The following ST3GAL1 variants were observed in gnomAD, a reference collection of about 807,000 sequenced individuals.
ST3GAL1 encodes CMP-N-acetylneuraminate-beta-galactosamide-alpha-2,3-sialyltransferase 1.
Under a neutral mutation model 34.1 loss-of-function variants are expected in ST3GAL1, and 16 were observed. The observed-to-expected ratio is 0.47, with a 90% CI of 0.32 to 0.71. The LOEUF is 0.71. Among genes scored for constraint, ST3GAL1 ranks in the 30% least tolerant of loss-of-function variants. ST3GAL1 has a pLI of 0.04. For missense variants in ST3GAL1, 353 were observed against 447.4 expected, an observed-to-expected ratio of 0.79 and a Z score of 1.90; for synonymous variants, 191 against 184.7, an observed-to-expected ratio of 1.03 and a Z score of -0.28.
Position 133,459,875 on chromosome 8 carries a change from G to A in ST3GAL1, c.912C>T (p.Asn304=). Residue 304 remains asparagine, a synonymous_variant, in exon 10 of 10, where the codon AAC becomes AAT. Coordinates refer to ENST00000522652, the MANE Select transcript of ST3GAL1 (RefSeq NM_173344.3). This position sits in a 1 kb window ranked among gnomAD's most constrained non-coding sequence, Gnocchi z 4.7. ...TCTTGCGAAAAGCCCCCGCGGATGG[G>A]TTGTTCTCCCAGTAGTGGTGCCAGT... The part of the protein sequence containing the change: ...KGNWHHYWEN[N]PSAGAFRKTG... The A allele has an allele frequency of 6.2e-7, 1 of 1,614,160 alleles. No individual in the cohort carries two copies. The highest frequency in any genetic ancestry group is 8.5e-7 in the Non-Finnish European group (1 of 1,180,018).
At chr8:133,502,265 C>T (rs1027945427) in intron 2 of ST3GAL1, among the ~76,000 whole-genome samples, 1 of 152,066 alleles carries the variant, frequency 6.6e-6, no homozygotes, top group Non-Finnish European at 1.5e-5. Flanking sequence ...AGAATTGGCC[C>T]TTGCTATGGA....
At chr8:133,496,811 C>G (rs141224618) in intron 3 of ST3GAL1, among the ~76,000 whole-genome samples, 2 of 152,202 alleles carry the variant, frequency 1.3e-5, no homozygotes, top group Non-Finnish European at 2.9e-5. Flanking sequence ...GTCCAGGCCA[C>G]GGCACCCAAG....
chr8:133,538,761 G>A (rs1432945970), intron 2 of ST3GAL1, among the ~76,000 whole-genome samples: 1 of 152,174 alleles, frequency 6.6e-6, no homozygotes, highest in Admixed American at 6.5e-5. Flanking sequence ...GGCTGTACTG[G>A]ATGTAGCTCA....
chr8:133,566,656 C>T (rs1416014192), intron 1 of ST3GAL1, among the ~76,000 whole-genome samples: 1 of 152,234 alleles, frequency 6.6e-6, no homozygotes, highest in Non-Finnish European at 1.5e-5. Flanking sequence ...GCGCTTTCTC[C>T]TACCTGCCAC....
chr8:133,520,565 C>A (rs901188315), intron 2 of ST3GAL1, among the ~76,000 whole-genome samples: 11 of 152,118 alleles, frequency 7.2e-5, no homozygotes, highest in Admixed American at 5.2e-4. Flanking sequence ...AAACATGAAT[C>A]CCCTGCAGGG....
chr8:133,565,911 G>C (rs2978058), intron 1 of ST3GAL1, among the ~76,000 whole-genome samples: 14 of 152,218 alleles, frequency 9.2e-5, no homozygotes, highest in Non-Finnish European at 1.9e-4. Flanking sequence ...TGACTCTGTA[G>C]AAAACACCTC....
At chr8:133,555,638 G>A (rs929582422) in intron 1 of ST3GAL1, among the ~76,000 whole-genome samples, 28 of 152,152 alleles carry the variant, frequency 1.8e-4, no homozygotes, top group Non-Finnish European at 2.8e-4. Context: ...ATTACCGAAA[G>A]GATCAAGCCA....
intron 3 of ST3GAL1, among the ~76,000 whole-genome samples, chr8:133,490,630 C>T (rs1377487268): frequency 6.6e-6 from 1 of 152,072 alleles, no homozygotes; most frequent in Non-Finnish European, 1.5e-5. Flanking sequence ...AGGCCTGTGC[C>T]CAAAAAAGCA....
intron 5 of ST3GAL1, among the ~76,000 whole-genome samples, chr8:133,470,287 T>A (rs1370192094): frequency 6.6e-6 from 1 of 151,968 alleles, no homozygotes; most frequent in Non-Finnish European, 1.5e-5. Context: ...GGCGTGATGG[T>A]GCATGCCTGA....
At chr8:133,562,963 C>A (rs1439218666) in intron 1 of ST3GAL1, among the ~76,000 whole-genome samples, 1 of 147,618 alleles carries the variant, frequency 6.8e-6, no homozygotes, top group Admixed American at 6.9e-5. Flanking sequence ...GAGCTTGAAA[C>A]AATATTTTGG....
chr8:133,511,546 A>T (rs1484574903), intron 2 of ST3GAL1, among the ~76,000 whole-genome samples: 1 of 152,238 alleles, frequency 6.6e-6, no homozygotes, highest in Non-Finnish European at 1.5e-5. Context: ...AGGTGAAGTC[A>T]CTTGTTCCAG....
intron 5 of ST3GAL1, among the ~76,000 whole-genome samples, chr8:133,474,288 T>C (rs968878369): frequency 1.3e-5 from 2 of 152,182 alleles, no homozygotes; most frequent in African/African-American, 4.8e-5. Flanking sequence ...CCTATGGTCC[T>C]GGCTTGAGTT....
chr8:133,478,607 G>A (rs1022304117), intron 3 of ST3GAL1, among the ~76,000 whole-genome samples: 3 of 152,174 alleles, frequency 2.0e-5, no homozygotes, highest in Non-Finnish European at 4.4e-5. Context: ...TCCTACCTCC[G>A]TGTCCCTGCT....
At chr8:133,538,546 T>C (rs913234045) in intron 2 of ST3GAL1, among the ~76,000 whole-genome samples, 5 of 152,142 alleles carry the variant, frequency 3.3e-5, no homozygotes, top group Admixed American at 6.5e-5. Flanking sequence ...ATAAAACCTA[T>C]TGAATGCATG....
At chr8:133,501,608 G>C (rs1011081076) in intron 2 of ST3GAL1, among the ~76,000 whole-genome samples, 2 of 152,118 alleles carry the variant, frequency 1.3e-5, no homozygotes, top group East Asian at 3.9e-4. Context: ...AATGAGCCAG[G>C]TGTGGTGGCA....
At chr8:133,489,762 C>T (rs11996618) in intron 3 of ST3GAL1, 26,929 of 152,190 alleles carry the variant, frequency 0.18, 2,834 homozygotes, top group East Asian at 0.52. Context: ...CCCCTTAGCC[C>T]GCCCATGGCT....
In ST3GAL1 at chr8:133,556,338, CA is replaced by C. The variant is rs2131096655; in HGVS notation, c.-581-10413del. Reference sequence around the variant, plus strand: ...TGATCAACAGCAGGCCTGGTGACTCCAGAGCCTGTCTTCTCCCCCTGGCCTT... The same window carrying C: ...TGATCAACAGCAGGCCTGGTGACTCCGAGCCTGTCTTCTCCCCCTGGCCTT... On this transcript the variant is annotated intron_variant, in intron 1 of 9. Transcript: ENST00000522652. This position sits in a 1 kb window ranked among gnomAD's most constrained non-coding sequence, Gnocchi z 8.9. 6.6e-6 allele frequency among the ~76,000 whole-genome samples: 1 copy of C among 152,352 alleles called. No individual in the cohort carries two copies. The highest frequency in any genetic ancestry group is 2.4e-5 in the African/African-American group (1 of 41,584).
At chr8:133,523,694 C>A (rs762579658) in intron 2 of ST3GAL1, among the ~76,000 whole-genome samples, 2 of 152,182 alleles carry the variant, frequency 1.3e-5, no homozygotes, top group Non-Finnish European at 2.9e-5. Context: ...AGATTTATGA[C>A]CAATTGACAA....
intron 1 of ST3GAL1, among the ~76,000 whole-genome samples, chr8:133,566,660 C>CTGCCACCTGCCA (rs1156928455): frequency 6.6e-6 from 1 of 152,236 alleles, no homozygotes; most frequent in Non-Finnish European, 1.5e-5. Flanking sequence ...TTTCTCCTAC[C>CTGCCACCTGCCA]TGCCACCTGC....
Sources: allele counts gnomAD v4.1 joint callset (sites outside exome capture counted in the v4.1 genomes callset), GRCh38; gene constraint gnomAD v4.1.1; non-coding constraint Gnocchi (gnomAD v3.1); transcripts MANE v1.5; gene names NCBI Gene and HGNC (gene_info 2026-07-23, HGNC 2026-07-21).